CLECL1: variants seen among roughly 807,000 people sequenced by gnomAD.
The protein encoded by CLECL1 is C-type lectin-like domain family 1.
chr12:9,721,872 A>C (rs1312381903), downstream of CLECL1, among the ~76,000 whole-genome samples: 1 of 152,186 alleles, frequency 6.6e-6, no homozygotes, highest in Non-Finnish European at 1.5e-5. Flanking sequence ...AGTTTCACTG[A>C]AGATATTAAT....
chr12:9,720,081 T>C (rs1866290694), downstream of CLECL1, among the ~76,000 whole-genome samples: 1 of 152,138 alleles, frequency 6.6e-6, no homozygotes. Context: ...TGAGTGCCTG[T>C]AATGTTAGTG....
intron 3 of CLECL1, among the ~76,000 whole-genome samples, chr12:9,724,259 T>G (rs1241337886): frequency 1.3e-5 from 2 of 151,658 alleles, no homozygotes; most frequent in Non-Finnish European, 2.9e-5. Flanking sequence ...TGGAGGAATA[T>G]GTGAGAAAAC....
the CLECL1 span, among the ~76,000 whole-genome samples, chr12:9,709,967 C>T: frequency 6.6e-6 from 1 of 152,168 alleles, no homozygotes; most frequent in Non-Finnish European, 1.5e-5. Context: ...CTTTAATGGC[C>T]ACCATGCAAC....
downstream of CLECL1, among the ~76,000 whole-genome samples, chr12:9,717,789 C>G (rs1866256692): frequency 6.6e-6 from 1 of 152,130 alleles, no homozygotes; most frequent in African/African-American, 2.4e-5. Context: ...ACGAACTTAG[C>G]TTTACAGTAA....
downstream of CLECL1, among the ~76,000 whole-genome samples, chr12:9,719,162 C>T (rs1457387768): frequency 3.9e-5 from 6 of 152,110 alleles, no homozygotes; most frequent in East Asian, 1.9e-4. Context: ...GAGCCAGGTG[C>T]GGTGGCTCAT....
intron 2 of CLECL1, chr12:9,716,875 T>C (rs1161387591): frequency 1.8e-6 from 1 of 560,950 alleles, no homozygotes; most frequent in Non-Finnish European, 2.8e-6. Flanking sequence ...CTAGAATCAC[T>C]TGCTAGACTC....
upstream of CLECL1, chr12:9,733,303 A>T: frequency 7.2e-7 from 1 of 1,393,424 alleles, no homozygotes; most frequent in Non-Finnish European, 1.0e-6. Flanking sequence ...TTCTGCCTAA[A>T]CTTGAAATGC....
At chr12:9,722,847 T>C in intron 3 of CLECL1, 34 bp from the exon 2 acceptor site, 2 of 1,493,402 alleles carry the variant, frequency 1.3e-6, no homozygotes, top group Non-Finnish European at 1.8e-6. Flanking sequence ...TTAAAATCAA[T>C]GTAAAACTGT....
intron 1 of CLECL1, among the ~76,000 whole-genome samples, chr12:9,730,739 G>C (rs1211159438): frequency 6.6e-6 from 1 of 151,264 alleles, no homozygotes; most frequent in African/African-American, 2.4e-5. Flanking sequence ...GCCCAGGCTA[G>C]AGTGCAGTGG....
downstream of CLECL1, among the ~76,000 whole-genome samples, chr12:9,712,538 T>C (rs1866207791): frequency 6.6e-6 from 1 of 152,180 alleles, no homozygotes; most frequent in Admixed American, 6.5e-5. Context: ...ATGCCTTTTA[T>C]TTATTTTTCA....
chr12:9,712,801 G>T (rs78450795), downstream of CLECL1, among the ~76,000 whole-genome samples: 812 of 152,050 alleles, frequency 5.3e-3, 6 homozygotes, highest in African/African-American at 0.018. Context: ...TCGATTGATA[G>T]AATTACATAA....
chr12:9,723,205 C>T lies in CLECL1; in HGVS notation n.263-392G>A, dbSNP rs1377478972. On this transcript the variant is annotated intron_variant and non_coding_transcript_variant, in intron 3 of 3. Transcript: ENST00000621400. ...CATCAGAAATGTTGGGAGTTTATAT[C>T]ACACTAGTATAGTTATTCACAAGCA... Among the ~76,000 whole-genome samples, 3 of 152,114 alleles carry T rather than the reference C, an allele frequency of 2.0e-5. No homozygotes were observed. In the East Asian group the frequency reaches 5.8e-4, roughly 29 times the overall value.
At chr12:9,729,435 T>C (rs903867820) in intron 2 of CLECL1, among the ~76,000 whole-genome samples, 2 of 152,166 alleles carry the variant, frequency 1.3e-5, no homozygotes, top group Non-Finnish European at 2.9e-5. Flanking sequence ...TGAAATTCTA[T>C]AGAAAATCTC....
At chr12:9,730,749 G>A (rs1212242099) in intron 1 of CLECL1, among the ~76,000 whole-genome samples, 1 of 151,744 alleles carries the variant, frequency 6.6e-6, no homozygotes, top group Non-Finnish European at 1.5e-5. Flanking sequence ...GAGTGCAGTG[G>A]CATGATCACT....
chr12:9,726,811 T>C (rs1241016147), intron 3 of CLECL1, among the ~76,000 whole-genome samples: 3 of 151,976 alleles, frequency 2.0e-5, no homozygotes, highest in African/African-American at 4.8e-5. Context: ...CAAGAAAGTG[T>C]TTTTGCTTTG....
upstream of CLECL1, chr12:9,733,274 T>C: frequency 6.4e-7 from 1 of 1,569,412 alleles, no homozygotes; most frequent in South Asian, 1.2e-5. Flanking sequence ...TACAGTAGGT[T>C]CTCGTTTTTC....
rs71045296 is a variant in CLECL1 at position 9,724,184 on chromosome 12, G to GA, written n.263-1372dup. Among the ~76,000 whole-genome samples the GA allele has an allele frequency of 8.2e-3, 1,071 of 130,096 alleles. 7 individuals carry two copies. Among genetic ancestry groups the GA allele is most frequent in the Middle Eastern group, 0.016 (4 of 246 alleles). 85.3% of individuals were successfully genotyped at this position (130,096 alleles called of 152,430 possible). On this transcript the variant is annotated intron_variant and non_coding_transcript_variant, in intron 3 of 3. Coordinates refer to ENST00000621400, the Ensembl canonical transcript of CLECL1. ...AGCCAGGGTGACAAAGCAACTCCAT[G>GA]AAAAAAAAAAAAAGAAAAAGAAAAA...
chr12:9,717,227 G>A (rs759422486), intron 2 of CLECL1, among the ~76,000 whole-genome samples: 8 of 152,286 alleles, frequency 5.3e-5, no homozygotes, highest in Admixed American at 2.6e-4. Context: ...TGGCTAACAC[G>A]GTGAAACCCC....
upstream of CLECL1, among the ~76,000 whole-genome samples, chr12:9,733,888 T>A (rs754139340): frequency 6.6e-6 from 1 of 152,328 alleles, no homozygotes; most frequent in South Asian, 2.1e-4. Context: ...TATTAGTTGA[T>A]GAAAAATTTC....
Sources: allele counts gnomAD v4.1 joint callset (sites outside exome capture counted in the v4.1 genomes callset), GRCh38; gene constraint gnomAD v4.1.1; transcripts MANE v1.5; gene names NCBI Gene and HGNC (gene_info 2026-07-23, HGNC 2026-07-21).